Variants in GATAD2B observed in about 807,000 individuals in gnomAD.
GATAD2B encodes the protein GATA zinc finger domain containing 2B, also known as transcriptional repressor p66-beta.
GATAD2B carries 8 observed loss-of-function variants against 64.3 expected under a neutral mutation model. That is an observed-to-expected ratio of 0.12 (90% CI 0.07 to 0.22). GATAD2B has a LOEUF of 0.22. GATAD2B is among the 10% of genes least tolerant of loss of function. The probability of loss-of-function intolerance (pLI) is 1.00; values close to 1 mark genes in which losing one functional copy is unlikely to be tolerated. For synonymous variants in GATAD2B, 281 were observed against 271.3 expected, an observed-to-expected ratio of 1.04 and a Z score of -0.35; for missense variants, 453 against 752.0, an observed-to-expected ratio of 0.60 and a Z score of 4.65.
chr1:153,852,071 G>C, intron 1 of GATAD2B: 5 of 531,330 alleles, frequency 9.4e-6, no homozygotes, highest in Non-Finnish European at 3.4e-6. Context: ...CTGGCTGGCC[G>C]CATCATTCAC....
In GATAD2B at chr1:153,818,145, A is replaced by G. The variant is rs201611178; in HGVS notation, c.624T>C (p.Ser208=). The G allele has an allele frequency of 6.2e-7, 1 of 1,612,504 alleles. No individual in the cohort carries two copies. Among genetic ancestry groups the G allele is most frequent in the South Asian group, 1.1e-5 (1 of 90,900 alleles). Residue 208 remains serine, a synonymous_variant, in exon 5 of 11, where the codon TCT becomes TCC. Coordinates refer to ENST00000368655, the MANE Select transcript of GATAD2B (RefSeq NM_020699.4). ...CATGGGCAGGAGATGGCTGAACAATAGATGCTGCATTCTGTACAACTGGAG... is the reference window on the plus strand; with the variant it reads ...CATGGGCAGGAGATGGCTGAACAATGGATGCTGCATTCTGTACAACTGGAG... ...QKTPVVQNAA[S]IVQPSPAHVG... is the part of the protein sequence containing the mutation.
intron 1 of GATAD2B, among the ~76,000 whole-genome samples, chr1:153,872,792 A>G (rs1676711828): frequency 1.3e-5 from 2 of 152,204 alleles, no homozygotes; most frequent in African/African-American, 2.4e-5. Flanking sequence ...GTTAGCTGGA[A>G]ACCCAAATAA....
chr1:153,844,753 G>C (rs1344154874), intron 1 of GATAD2B, among the ~76,000 whole-genome samples: 1 of 128,082 alleles, frequency 7.8e-6, no homozygotes, highest in East Asian at 2.3e-4. Flanking sequence ...CACACTCTGG[G>C]GACTGTGGTG....
At chr1:153,848,458 G>C (rs1675764618) in intron 1 of GATAD2B, among the ~76,000 whole-genome samples, 1 of 151,996 alleles carries the variant, frequency 6.6e-6, no homozygotes, top group African/African-American at 2.4e-5. Context: ...TCACATCTCT[G>C]GGTCTTATTC....
intron 1 of GATAD2B, among the ~76,000 whole-genome samples, chr1:153,848,562 T>C (rs1249536778): frequency 2.6e-5 from 4 of 152,208 alleles, no homozygotes; most frequent in African/African-American, 7.2e-5. Context: ...TGGTTTTAAA[T>C]AGCATTTATA....
At chr1:153,870,289 G>A (rs1235736520) in intron 1 of GATAD2B, among the ~76,000 whole-genome samples, 5 of 152,076 alleles carry the variant, frequency 3.3e-5, no homozygotes, top group Middle Eastern at 3.2e-3. Flanking sequence ...GAAAAAATCC[G>A]GCCAGGCACA....
At chr1:153,911,018 T>C (rs1037520320) in intron 1 of GATAD2B, among the ~76,000 whole-genome samples, 1 of 152,152 alleles carries the variant, frequency 6.6e-6, no homozygotes, top group Non-Finnish European at 1.5e-5. Context: ...TAGAGAAATA[T>C]ATCTCTAAAA....
rs1674302745 is a variant in GATAD2B, at chr1:153,811,856, GA to G, written c.1531-9del. The G allele has an allele frequency of 6.4e-7, 1 of 1,562,948 alleles. No individual in the cohort carries two copies. The highest frequency in any genetic ancestry group is 1.4e-5 in the African/African-American group (1 of 73,442). ...GCTCTGGGGCTGTGGAGCCTGCAAT[GA>G]TGAGGAGACAGTGGATACAACTTTG... On this transcript the variant is annotated splice_polypyrimidine_tract_variant and intron_variant, in intron 9 of 10. Transcript: ENST00000368655.
chr1:153,820,575 T>C (rs1674641904), intron 2 of GATAD2B, among the ~76,000 whole-genome samples: 1 of 151,998 alleles, frequency 6.6e-6, no homozygotes, highest in Admixed American at 6.6e-5. Context: ...CTACTTTCCT[T>C]GAGATTGTCA....
At chr1:153,888,879 A>C (rs908008875) in intron 1 of GATAD2B, among the ~76,000 whole-genome samples, 1 of 152,162 alleles carries the variant, frequency 6.6e-6, no homozygotes, top group African/African-American at 2.4e-5. Context: ...TTCTGTTGTG[A>C]AGGTTGCTCT....
At chr1:153,890,144 C>G (rs1677326179) in intron 1 of GATAD2B, among the ~76,000 whole-genome samples, 1 of 148,456 alleles carries the variant, frequency 6.7e-6, no homozygotes, top group African/African-American at 2.5e-5. Flanking sequence ...TGCACTCCAG[C>G]CTGGGCAACA....
chr1:153,903,712 TG>T (rs1261872105), intron 1 of GATAD2B, among the ~76,000 whole-genome samples: 2 of 152,124 alleles, frequency 1.3e-5, no homozygotes, highest in East Asian at 3.8e-4. Flanking sequence ...TGGCCAAGTG[TG>T]GGGCTCACAC....
intron 1 of GATAD2B, among the ~76,000 whole-genome samples, chr1:153,904,050 G>A (rs1677855818): frequency 1.3e-5 from 2 of 152,126 alleles, no homozygotes; most frequent in Non-Finnish European, 2.9e-5. Context: ...GGAAGGTAAG[G>A]CGGGTGGATC....
chr1:153,854,296 G>A (rs1048567571), intron 1 of GATAD2B, among the ~76,000 whole-genome samples: 4 of 152,036 alleles, frequency 2.6e-5, no homozygotes, highest in African/African-American at 9.7e-5. Context: ...CCAGCTACTC[G>A]GGAGGCTGAG....
chr1:153,852,678 T>C, intron 1 of GATAD2B: 1 of 905,992 alleles, frequency 1.1e-6, no homozygotes. Flanking sequence ...TTGGCTTTTT[T>C]GCTTAGCTTC....
intron 1 of GATAD2B, among the ~76,000 whole-genome samples, chr1:153,864,248 T>C (rs764080448): frequency 2.0e-5 from 3 of 152,128 alleles, no homozygotes; most frequent in South Asian, 2.1e-4. Flanking sequence ...AAGGTATGTA[T>C]TGGGGGCTTG....
chr1:153,859,679 T>TAAAA (rs1188453796), intron 1 of GATAD2B, among the ~76,000 whole-genome samples: 1 of 114,448 alleles, frequency 8.7e-6, no homozygotes, highest in South Asian at 2.7e-4. Flanking sequence ...CAAAAAAAAA[T>TAAAA]AATAAAAAAA....
In GATAD2B at chr1:153,848,981, C is replaced by T. The variant is rs528558376; in HGVS notation, c.-1-20633G>A. 5.7e-4 allele frequency among the ~76,000 whole-genome samples: 87 copies of T among 151,724 alleles called. 1 individual carries two copies. Among genetic ancestry groups the T allele is most frequent in the African/African-American group, 2.0e-3 (84 of 41,378 alleles). ...AAGCAAAAAACAAACAAACCCCCCC[C>T]CTCCCCCAGACTGGGTAATTTATAT... On this transcript the variant is annotated intron_variant, in intron 1 of 10. Coordinates refer to ENST00000368655, the MANE Select transcript of GATAD2B (RefSeq NM_020699.4).
At chr1:153,912,189 C>T (rs1332752611) in intron 1 of GATAD2B, among the ~76,000 whole-genome samples, 1 of 152,054 alleles carries the variant, frequency 6.6e-6, no homozygotes, top group African/African-American at 2.4e-5. Context: ...TCAAAATGTT[C>T]ATAAAGGGTG....
Sources: allele counts gnomAD v4.1 joint callset (sites outside exome capture counted in the v4.1 genomes callset), GRCh38; gene constraint gnomAD v4.1.1; transcripts MANE v1.5; gene names NCBI Gene and HGNC (gene_info 2026-07-23, HGNC 2026-07-21).